The following DISC1 variants were observed in gnomAD, a reference collection of about 807,000 sequenced individuals.
DISC1 encodes DISC1 scaffold protein.
Under a neutral mutation model 84.5 loss-of-function variants are expected in DISC1, and 57 were observed. The ratio of observed to expected loss-of-function variants is 0.67; its 90% CI spans 0.55 to 0.84. DISC1 has a LOEUF of 0.84. DISC1 is among the 40% of genes least tolerant of loss of function. The pLI is 0.00. For synonymous variants in DISC1, 411 were observed against 415.2 expected (o/e 0.99, Z 0.12); for missense variants, 1,000 against 1,057.8 (o/e 0.95, Z 0.76).
intron 9 of DISC1, among the ~76,000 whole-genome samples, chr1:231,864,011 G>T (rs1383503166): frequency 1.3e-5 from 2 of 152,198 alleles, no homozygotes; most frequent in African/African-American, 4.8e-5. Context: ...GGCTGTACTG[G>T]CTGGTACTAT....
At chr1:231,684,364 G>A (rs1292722884) in intron 1 of DISC1, among the ~76,000 whole-genome samples, 1 of 151,872 alleles carries the variant, frequency 6.6e-6, no homozygotes, top group Admixed American at 6.6e-5. Flanking sequence ...ATAATTATGT[G>A]TTTAATATAT....
chr1:231,645,869 T>G (rs1429039861), intron 1 of DISC1, among the ~76,000 whole-genome samples: 3 of 151,556 alleles, frequency 2.0e-5, no homozygotes, highest in African/African-American at 7.3e-5. Context: ...TGCGTAGTAT[T>G]CCATGGTGTA....
chr1:231,996,439 T>C (rs1665971439), intron 10 of DISC1, among the ~76,000 whole-genome samples: 2 of 152,248 alleles, frequency 1.3e-5, no homozygotes, highest in Non-Finnish European at 2.9e-5. Flanking sequence ...TGAATGGTAA[T>C]GCCTAGGTTC....
At chr1:231,920,062 C>T (rs1048145228) in intron 9 of DISC1, among the ~76,000 whole-genome samples, 2 of 152,106 alleles carry the variant, frequency 1.3e-5, no homozygotes, top group African/African-American at 4.8e-5. Flanking sequence ...GCACCCAGGG[C>T]TCTACGTACT....
chr1:232,000,378 A>T (rs549880879), intron 10 of DISC1, among the ~76,000 whole-genome samples: 44 of 152,352 alleles, frequency 2.9e-4, no homozygotes, highest in African/African-American at 9.6e-4. Flanking sequence ...AATTGAGAAC[A>T]GATTAATAGA....
chr1:231,830,099 T>TATTAATAAGAAAAATAA, intron 9 of DISC1, among the ~76,000 whole-genome samples: 1 of 152,162 alleles, frequency 6.6e-6, no homozygotes, highest in Non-Finnish European at 1.5e-5. Flanking sequence ...TGTCTTCTTA[T>TATTAATAAGAAAAATAA]ATTAATAAGA....
chr1:231,835,326 C>T (rs975097563), intron 9 of DISC1, among the ~76,000 whole-genome samples: 5 of 151,888 alleles, frequency 3.3e-5, no homozygotes, highest in Admixed American at 1.3e-4. Context: ...GGGCTGAGTC[C>T]GAAAAGAGAG....
chr1:231,919,840 A>G (rs992510789), intron 9 of DISC1, among the ~76,000 whole-genome samples: 2 of 152,180 alleles, frequency 1.3e-5, no homozygotes, highest in Non-Finnish European at 2.9e-5. Flanking sequence ...GCCTTGATAC[A>G]AATCAGATCT....
intron 9 of DISC1, among the ~76,000 whole-genome samples, chr1:231,858,576 CTT>C (rs1333572616): frequency 3.3e-5 from 5 of 152,314 alleles, no homozygotes; most frequent in African/African-American, 1.2e-4. Flanking sequence ...TCTCAACCTT[CTT>C]ATTTACTATT....
chr1:231,726,657 A>G (rs917028148), intron 3 of DISC1, among the ~76,000 whole-genome samples: 8 of 152,212 alleles, frequency 5.3e-5, no homozygotes, highest in Admixed American at 2.0e-4. Context: ...TTGACACAAC[A>G]GGGGCCAGTT....
intron 9 of DISC1, chr1:231,854,704 G>A (rs1238102012): frequency 5.7e-6 from 1 of 176,322 alleles, no homozygotes; most frequent in Admixed American, 6.7e-5. Flanking sequence ...AGAAACTAAG[G>A]AACTAAAATA....
At chr1:231,796,791 C>T (rs957377037) in intron 7 of DISC1, among the ~76,000 whole-genome samples, 7 of 152,122 alleles carry the variant, frequency 4.6e-5, no homozygotes, top group Admixed American at 4.6e-4. Context: ...TCATAGCTCA[C>T]TCAGCCTTGA....
At chr1:231,887,915 A>G (rs1043721412) in intron 9 of DISC1, among the ~76,000 whole-genome samples, 4 of 152,236 alleles carry the variant, frequency 2.6e-5, no homozygotes, top group African/African-American at 7.2e-5. Flanking sequence ...ACAAAACACT[A>G]TACCGTTGTG....
chr1:231,663,657 C>T (rs2061744374), intron 1 of DISC1, among the ~76,000 whole-genome samples: 1 of 152,226 alleles, frequency 6.6e-6, no homozygotes, highest in African/African-American at 2.4e-5. Flanking sequence ...AGATTAACAA[C>T]TTGCATCCTT....
chr1:231,647,732 C>T (rs999010310), intron 1 of DISC1, among the ~76,000 whole-genome samples: 2 of 152,136 alleles, frequency 1.3e-5, no homozygotes, highest in Admixed American at 1.3e-4. Flanking sequence ...TCTTTTATTT[C>T]GTTGAGCAGT....
chr1:231,846,790 C>T (rs143978161), intron 9 of DISC1, among the ~76,000 whole-genome samples: 5 of 152,186 alleles, frequency 3.3e-5, no homozygotes, highest in African/African-American at 4.8e-5. Context: ...GGCAGGATAA[C>T]GTGATAAGGA....
At chr1:231,895,052 T>C (rs2087576613) in intron 9 of DISC1, among the ~76,000 whole-genome samples, 1 of 151,562 alleles carries the variant, frequency 6.6e-6, no homozygotes, top group African/African-American at 2.4e-5. Flanking sequence ...TTAAATCTAC[T>C]ATCTTGCTAG....
intron 1 of DISC1, among the ~76,000 whole-genome samples, chr1:231,642,390 C>T (rs969203801): frequency 6.6e-6 from 1 of 152,190 alleles, no homozygotes; most frequent in East Asian, 1.9e-4. Context: ...CCTCAAGTGC[C>T]GCCAAAGTGG....
At chr1:231,719,998 A>G (rs1205507929) in intron 3 of DISC1, among the ~76,000 whole-genome samples, 1 of 152,202 alleles carries the variant, frequency 6.6e-6, no homozygotes, top group African/African-American at 2.4e-5. Flanking sequence ...CTTGTCTCAT[A>G]ACACAAAATA....
Sources: gnomAD v4.1 joint callset for allele counts (sites outside exome capture counted in the v4.1 genomes callset) on GRCh38, gnomAD v4.1.1 for gene constraint, MANE v1.5 for transcripts, NCBI Gene and HGNC (gene_info 2026-07-23, HGNC 2026-07-21) for gene names.